The following PRKG1 variants were observed in gnomAD, a reference collection of about 807,000 sequenced individuals.
PRKG1 encodes protein kinase cGMP-dependent 1.
Under a neutral mutation model 88.1 loss-of-function variants are expected in PRKG1, and 35 were observed. The observed-to-expected ratio is 0.40, with a 90% confidence interval of 0.30 to 0.53. PRKG1 has a LOEUF of 0.53. Ranked by LOEUF, PRKG1 falls within the 20% of genes least tolerant of loss-of-function variation. The pLI is 0.59. For missense variants in PRKG1, 540 were observed against 839.8 expected (o/e 0.64, Z 4.41); for synonymous variants, 303 against 292.5 (o/e 1.04, Z -0.37).
chr10:51,269,011 T>C (rs940109951), intron 2 of PRKG1, among the ~76,000 whole-genome samples: 1 of 152,034 alleles, frequency 6.6e-6, no homozygotes, highest in South Asian at 2.1e-4. Flanking sequence ...TTCAAGGAAC[T>C]CAAAGAAATC....
intron 2 of PRKG1, among the ~76,000 whole-genome samples, chr10:51,305,528 C>T (rs1198706467): frequency 6.6e-6 from 1 of 152,068 alleles, no homozygotes; most frequent in African/African-American, 2.4e-5. Flanking sequence ...CCAGAAAAAT[C>T]CTCAAAAACA....
chr10:52,107,951 A>G (rs912108553), intron 7 of PRKG1, among the ~76,000 whole-genome samples: 7 of 152,226 alleles, frequency 4.6e-5, no homozygotes, highest in Non-Finnish European at 7.3e-5. Context: ...TCATGAAATA[A>G]CTGAATTGAT....
intron 9 of PRKG1, among the ~76,000 whole-genome samples, chr10:52,204,482 G>A (rs1419056548): frequency 6.6e-6 from 1 of 152,304 alleles, no homozygotes; most frequent in Non-Finnish European, 1.5e-5. Context: ...TGAAGCCATG[G>A]CAGAAGACCA....
chr10:51,059,368 C>T (rs1388020476), intron 1 of PRKG1, among the ~76,000 whole-genome samples: 1 of 151,982 alleles, frequency 6.6e-6, no homozygotes, highest in Non-Finnish European at 1.5e-5. Flanking sequence ...GTACTGTCTA[C>T]ATTTAAATTA....
chr10:51,841,389 G>T (rs965499780), intron 4 of PRKG1, among the ~76,000 whole-genome samples: 1 of 152,168 alleles, frequency 6.6e-6, no homozygotes, highest in Non-Finnish European at 1.5e-5. Flanking sequence ...ATAGTACAGT[G>T]TGATAAATGC....
chr10:51,278,829 T>C (rs1267664811), intron 2 of PRKG1, among the ~76,000 whole-genome samples: 1 of 152,212 alleles, frequency 6.6e-6, no homozygotes, highest in Non-Finnish European at 1.5e-5. Flanking sequence ...TTGCGTCTAT[T>C]TGATTCTTCT....
intron 3 of PRKG1, among the ~76,000 whole-genome samples, chr10:51,632,770 T>C (rs533820972): frequency 1.3e-5 from 2 of 152,346 alleles, no homozygotes; most frequent in Non-Finnish European, 2.9e-5. Flanking sequence ...CTGATTGGGC[T>C]GTGGTAAAAC....
At chr10:51,048,318 C>T (rs1390454179) in intron 1 of PRKG1, among the ~76,000 whole-genome samples, 2 of 151,874 alleles carry the variant, frequency 1.3e-5, no homozygotes. Flanking sequence ...CTCCCCCTTT[C>T]TCCCTCCCTC....
rs1259062564 is a variant in PRKG1, at chr10:51,727,274, CAAAA to C, written c.593-77302_593-77299del. 2.4e-3 allele frequency among the ~76,000 whole-genome samples: 337 copies of C among 141,496 alleles called. 4 individuals carry two copies. The highest frequency in any genetic ancestry group is 8.7e-3 in the African/African-American group (328 of 37,796). 92.8% of individuals were successfully genotyped at this position (141,496 alleles called of 152,430 possible). A position where few individuals can be genotyped will look rare whatever the true frequency, so the allele number is the denominator to read the frequency against. On this transcript the variant is annotated intron_variant, in intron 3 of 17. Transcript: ENST00000373980. ...TGGGCAACACAGTAAGACCCCATTG[CAAAA>C]AAAAAAAATATATATATATATATTT...
At chr10:52,083,901 G>C (rs1846843634) in intron 7 of PRKG1, among the ~76,000 whole-genome samples, 1 of 151,990 alleles carries the variant, frequency 6.6e-6, no homozygotes, top group South Asian at 2.1e-4. Flanking sequence ...AGATCAGTGG[G>C]TACTAAAACG....
intron 2 of PRKG1, among the ~76,000 whole-genome samples, chr10:51,349,604 T>C (rs1842196157): frequency 6.6e-6 from 1 of 151,322 alleles, no homozygotes; most frequent in South Asian, 2.1e-4. Context: ...CCTTCCAGGA[T>C]CAAGCGATTC....
chr10:51,884,444 C>CAAAAAA (rs57229967), intron 4 of PRKG1, among the ~76,000 whole-genome samples: 23 of 70,024 alleles, frequency 3.3e-4, no homozygotes, highest in Admixed American at 1.1e-3. Flanking sequence ...AACTCCGTCT[C>CAAAAAA]AAAAAAAAAA....
At chr10:51,195,782 A>G (rs1837747724) in intron 2 of PRKG1, among the ~76,000 whole-genome samples, 1 of 152,196 alleles carries the variant, frequency 6.6e-6, no homozygotes, top group African/African-American at 2.4e-5. Context: ...GATAAATATG[A>G]TGATAGTAAC....
intron 4 of PRKG1, among the ~76,000 whole-genome samples, chr10:51,826,420 A>T (rs1839883077): frequency 1.3e-5 from 2 of 152,192 alleles, no homozygotes; most frequent in Non-Finnish European, 2.9e-5. Flanking sequence ...AGAATCTTTC[A>T]CTTAAATGTA....
intron 5 of PRKG1, among the ~76,000 whole-genome samples, chr10:51,947,769 G>A (rs910373685): frequency 3.5e-4 from 53 of 152,144 alleles, no homozygotes; most frequent in African/African-American, 1.2e-3. Flanking sequence ...GCCACAGGGG[G>A]ACTCCATGGG....
chr10:52,049,064 G>C (rs1845928026), intron 5 of PRKG1, among the ~76,000 whole-genome samples: 1 of 152,140 alleles, frequency 6.6e-6, no homozygotes, highest in Non-Finnish European at 1.5e-5. Flanking sequence ...CTCGCAGGAG[G>C]CTTTGCTGTG....
chr10:52,286,295 G>A (rs565011695), intron 14 of PRKG1, among the ~76,000 whole-genome samples: 16 of 152,106 alleles, frequency 1.1e-4, no homozygotes, highest in South Asian at 4.1e-4. Flanking sequence ...CAAGAACTAC[G>A]TAGTTCTGAG....
intron 9 of PRKG1, among the ~76,000 whole-genome samples, chr10:52,235,502 C>A (rs1840657577): frequency 6.7e-6 from 1 of 150,224 alleles, no homozygotes; most frequent in African/African-American, 2.5e-5. Flanking sequence ...CAAAAAAAGG[C>A]AGGGGTTGCA....
At chr10:51,967,755 C>T (rs895170159) in intron 5 of PRKG1, among the ~76,000 whole-genome samples, 1 of 152,096 alleles carries the variant, frequency 6.6e-6, no homozygotes, top group Non-Finnish European at 1.5e-5. Context: ...CCTTCCCTAG[C>T]GTCATGGGTT....
Sources: allele counts gnomAD v4.1 joint callset (sites outside exome capture counted in the v4.1 genomes callset), GRCh38; gene constraint gnomAD v4.1.1; transcripts MANE v1.5; gene names NCBI Gene and HGNC (gene_info 2026-07-23, HGNC 2026-07-21).